ATP13A5: variants seen among roughly 807,000 people sequenced by gnomAD.
The protein encoded by ATP13A5 is ATPase 13A5.
Under a neutral mutation model 150.2 loss-of-function variants are expected in ATP13A5, and 149 were observed. The observed-to-expected ratio is 0.99, with a 90% CI of 0.87 to 1.14. The LOEUF (loss-of-function observed/expected upper bound fraction) is 1.14, where lower values mean the gene tolerates loss of function less well. Among genes scored for constraint, ATP13A5 ranks in the 50% most tolerant of loss-of-function variants. ATP13A5 has a pLI of 0.00. For missense variants in ATP13A5, 1,383 were observed against 1,449.3 expected (o/e 0.95, Z 0.74); for synonymous variants, 497 against 522.2 (o/e 0.95, Z 0.66).
intron 11 of ATP13A5, 111 bp from the exon 12 acceptor site, chr3:193,331,422 C>T: frequency 4.1e-6 from 4 of 965,930 alleles, no homozygotes; most frequent in Non-Finnish European, 5.8e-6. Context: ...CAAAGGAGAC[C>T]TTTGATCCCT....
intron 7 of ATP13A5, among the ~76,000 whole-genome samples, chr3:193,348,319 G>A (rs1242617728): frequency 6.6e-6 from 1 of 152,154 alleles, no homozygotes. Context: ...GTGCCCTTGT[G>A]TTTGTCGTGG....
intron 27 of ATP13A5, among the ~76,000 whole-genome samples, chr3:193,283,457 CAGA>C (rs1577322979): frequency 6.6e-6 from 1 of 152,150 alleles, no homozygotes; most frequent in South Asian, 2.1e-4. Flanking sequence ...ACACAATTCA[CAGA>C]AGAAGAAATT....
chr3:193,310,274 G>A (rs1289914535), intron 21 of ATP13A5, among the ~76,000 whole-genome samples: 2 of 152,130 alleles, frequency 1.3e-5, no homozygotes, highest in African/African-American at 2.4e-5. Context: ...TGTCATTGCT[G>A]GGCATTTAGG....
intron 22 of ATP13A5, among the ~76,000 whole-genome samples, chr3:193,306,908 A>G (rs1285542510): frequency 6.6e-6 from 1 of 152,232 alleles, no homozygotes; most frequent in Non-Finnish European, 1.5e-5. Context: ...TAATTTACAT[A>G]TAATTCAAAA....
At chr3:193,304,315 T>C (rs994364625) in intron 23 of ATP13A5, among the ~76,000 whole-genome samples, 3 of 151,958 alleles carry the variant, frequency 2.0e-5, no homozygotes, top group South Asian at 2.1e-4. Context: ...GTGATCGTGT[T>C]TGAGGGTGTG....
At position 193,375,957 on chromosome 3, in the gene ATP13A5, G is replaced by A. The variant is rs370687775; in HGVS notation, c.63+2706C>T. On this transcript the variant is annotated intron_variant, in intron 1 of 29. Coordinates refer to ENST00000342358, the MANE Select transcript of ATP13A5 (RefSeq NM_198505.4). ...CCACAGTGACTCTCACGATCACAAC[G>A]GATTGTTCACTTGAAATAATGAATG... Among the ~76,000 whole-genome samples, 8 of 152,134 alleles carry A rather than the reference G, an allele frequency of 5.3e-5. No homozygotes were observed. In the East Asian group the frequency reaches 7.7e-4, roughly 15 times the overall value.
chr3:193,291,139 G>T (rs911465086), intron 25 of ATP13A5, among the ~76,000 whole-genome samples: 28 of 152,052 alleles, frequency 1.8e-4, no homozygotes, highest in African/African-American at 6.8e-4. Context: ...AAACTCCTTG[G>T]TCCTTCATTT....
chr3:193,330,649 A>T (rs1711595951), intron 12 of ATP13A5, among the ~76,000 whole-genome samples: 2 of 152,188 alleles, frequency 1.3e-5, no homozygotes, highest in Admixed American at 6.5e-5. Flanking sequence ...AAGCACAGAG[A>T]CAACCTAGCC....
intron 29 of ATP13A5, 116 bp downstream of exon 29, chr3:193,276,634 C>A: frequency 2.9e-6 from 2 of 696,578 alleles, no homozygotes; most frequent in Non-Finnish European, 2.4e-6. Context: ...TTTAATAAAC[C>A]CTTAATAACT....
At chr3:193,374,301 C>CACACACACACAG (rs1441073312) in intron 1 of ATP13A5, among the ~76,000 whole-genome samples, 5 of 144,226 alleles carry the variant, frequency 3.5e-5, no homozygotes, top group African/African-American at 7.7e-5. Context: ...CACACACACA[C>CACACACACACAG]AGAGAGAGAG....
intron 24 of ATP13A5, among the ~76,000 whole-genome samples, chr3:193,300,145 C>T (rs930470661): frequency 1.3e-5 from 2 of 152,200 alleles, no homozygotes; most frequent in Non-Finnish European, 2.9e-5. Context: ...TGTCAACCTC[C>T]AATTCTTCCT....
intron 23 of ATP13A5, among the ~76,000 whole-genome samples, chr3:193,303,608 C>T (rs576490374): frequency 6.6e-6 from 1 of 151,932 alleles, no homozygotes; most frequent in Admixed American, 6.6e-5. Context: ...TCAGTCTTAG[C>T]TGTTAATGCG....
At chr3:193,325,156 G>A in intron 13 of ATP13A5, 142 bp from the exon 14 acceptor site, 1 of 796,356 alleles carries the variant, frequency 1.3e-6, no homozygotes, top group Admixed American at 2.9e-5. Context: ...AAATGATAAA[G>A]TCCAAACCCC....
chr3:193,310,883 A>C (rs1718819296), intron 20 of ATP13A5, among the ~76,000 whole-genome samples, 166 bp from the exon 21 acceptor site: 1 of 152,222 alleles, frequency 6.6e-6, no homozygotes, highest in Non-Finnish European at 1.5e-5. Context: ...TAACACTTTA[A>C]TATTGAAATT....
intron 12 of ATP13A5, among the ~76,000 whole-genome samples, chr3:193,327,384 G>A (rs1400085863): frequency 1.3e-5 from 2 of 152,202 alleles, no homozygotes; most frequent in Non-Finnish European, 2.9e-5. Context: ...ACAAGAATCA[G>A]CTCGAGTCTG....
chr3:193,318,912 A>G lies in ATP13A5; in HGVS notation c.2033+79T>C, dbSNP rs1719151737. The G allele has an allele frequency of 5.1e-6, 5 of 981,500 alleles. No homozygotes were observed. The African/African-American group carries it at 8.0e-5, about 16-fold the overall frequency. 60.8% of individuals were successfully genotyped at this position (981,500 alleles called of 1,614,324 possible). Reference sequence around the variant, plus strand: ...TCTGAGAGCCTTCCAGGTGATTAGAACTGTTCATCTGTTCATCTCCAGGAC... The same window carrying G: ...TCTGAGAGCCTTCCAGGTGATTAGAGCTGTTCATCTGTTCATCTCCAGGAC... On this transcript the variant is annotated intron_variant, in intron 17 of 29. Transcript: ENST00000342358.
chr3:193,370,700 T>C (rs1018161474), intron 1 of ATP13A5, among the ~76,000 whole-genome samples: 2 of 152,198 alleles, frequency 1.3e-5, no homozygotes, highest in Non-Finnish European at 2.9e-5. Flanking sequence ...TAAGAACTAA[T>C]TGAGTGTATT....
chr3:193,330,029 C>T (rs1294285437), intron 12 of ATP13A5, among the ~76,000 whole-genome samples: 1 of 152,178 alleles, frequency 6.6e-6, no homozygotes, highest in Non-Finnish European at 1.5e-5. Context: ...CTCAACCCAG[C>T]TTCATTCTCT....
At chr3:193,371,574 T>A (rs1459992634) in intron 1 of ATP13A5, among the ~76,000 whole-genome samples, 1 of 152,216 alleles carries the variant, frequency 6.6e-6, no homozygotes, top group Non-Finnish European at 1.5e-5. Context: ...ATATGGTTGT[T>A]GGCAGAATTC....
Sources: gnomAD v4.1 joint callset for allele counts (sites outside exome capture counted in the v4.1 genomes callset) on GRCh38, gnomAD v4.1.1 for gene constraint, MANE v1.5 for transcripts, NCBI Gene and HGNC (gene_info 2026-07-23, HGNC 2026-07-21) for gene names.